The following LRRC7 variants were observed in gnomAD, a reference collection of about 807,000 sequenced individuals.
LRRC7 encodes the protein leucine rich repeat containing 7, also known as leucine-rich repeat-containing protein 7.
A neutral mutation model predicts 175.7 loss-of-function variants in LRRC7; 23 were observed. The observed-to-expected ratio is 0.13, with a 90% confidence interval of 0.09 to 0.19. The LOEUF is 0.19. Ranked by LOEUF, LRRC7 falls within the 10% of genes least tolerant of loss-of-function variation. LRRC7 has a pLI of 1.00. For synonymous variants in LRRC7, 685 were observed against 680.9 expected (o/e 1.01, Z -0.09); for missense variants, 1,354 against 1,904.7 (o/e 0.71, Z 5.38).
intron 18 of LRRC7, among the ~76,000 whole-genome samples, chr1:70,034,471 G>A (rs17097501): frequency 0.012 from 1,872 of 152,222 alleles, 32 homozygotes; most frequent in African/African-American, 0.043. Context: ...TAGGCAATAT[G>A]GCATACACAG....
At chr1:69,974,947 T>C (rs1023576592) in intron 8 of LRRC7, among the ~76,000 whole-genome samples, 1 of 152,222 alleles carries the variant, frequency 6.6e-6, no homozygotes, top group Non-Finnish European at 1.5e-5. Context: ...TCTGCAGTTA[T>C]GTAAACTTCA....
intron 4 of LRRC7, among the ~76,000 whole-genome samples, chr1:69,825,385 G>A (rs900326369): frequency 1.3e-5 from 2 of 151,944 alleles, no homozygotes; most frequent in African/African-American, 4.8e-5. Flanking sequence ...ACATCTACTT[G>A]TTCTCCCTTC....
chr1:69,641,929 G>A (rs1654274673), intron 1 of LRRC7, among the ~76,000 whole-genome samples: 1 of 151,778 alleles, frequency 6.6e-6, no homozygotes, highest in Non-Finnish European at 1.5e-5. Flanking sequence ...ATAGTAAAAA[G>A]TTTTAAGTTG....
At chr1:69,587,677 C>G (rs186998560) in intron 1 of LRRC7, among the ~76,000 whole-genome samples, 16 of 152,174 alleles carry the variant, frequency 1.1e-4, no homozygotes, top group Non-Finnish European at 1.9e-4. Flanking sequence ...GTTTCCCCCA[C>G]GCTGTTCTTG....
chr1:69,705,108 C>T (rs1035734509), intron 2 of LRRC7, among the ~76,000 whole-genome samples: 4 of 152,106 alleles, frequency 2.6e-5, no homozygotes, highest in African/African-American at 7.2e-5. Flanking sequence ...ATTAGAAAGA[C>T]ACTGTTACCC....
chr1:69,813,864 T>C (rs1197713197), intron 4 of LRRC7, among the ~76,000 whole-genome samples: 6 of 152,188 alleles, frequency 3.9e-5, no homozygotes, highest in African/African-American at 1.4e-4. Flanking sequence ...TACAAATTAT[T>C]GACCCTGTTT....
At chr1:69,766,856 A>T (rs953583416) in intron 3 of LRRC7, among the ~76,000 whole-genome samples, 4 of 152,216 alleles carry the variant, frequency 2.6e-5, no homozygotes, top group Admixed American at 6.6e-5. Flanking sequence ...AAAAATAGGT[A>T]GTAAACTTAC....
chr1:69,747,778 C>G (rs1669414214), intron 2 of LRRC7, among the ~76,000 whole-genome samples: 1 of 151,384 alleles, frequency 6.6e-6, no homozygotes. Context: ...TACTTTGATC[C>G]CATATCATAG....
rs369032557 is a variant in LRRC7 at position 69,865,372 on chromosome 1, CT to C, written c.647+27093del. On this transcript the variant is annotated intron_variant, in intron 7 of 26. Transcript: ENST00000651989. Reference sequence around the variant, plus strand: ...GCTATAAGAATACAGCTAAGGTGAACTTTTGAAGTGCCAACACTAATAGGCA... The same window carrying C: ...GCTATAAGAATACAGCTAAGGTGAACTTTGAAGTGCCAACACTAATAGGCA... Among the ~76,000 whole-genome samples the C allele has an allele frequency of 1.6e-4, 24 of 149,518 alleles. 1 individual carries two copies. Among genetic ancestry groups the C allele is most frequent in the African/African-American group, 5.9e-4 (24 of 40,614 alleles).
At chr1:70,080,994 C>T (rs1280906346) in intron 24 of LRRC7, among the ~76,000 whole-genome samples, 3 of 152,260 alleles carry the variant, frequency 2.0e-5, no homozygotes, top group South Asian at 2.1e-4. Flanking sequence ...TATGGTAATG[C>T]TTTATATAAA....
chr1:69,922,008 C>G (rs904491348), intron 7 of LRRC7, among the ~76,000 whole-genome samples: 1 of 152,222 alleles, frequency 6.6e-6, no homozygotes, highest in Non-Finnish European at 1.5e-5. Context: ...TCACTGCAAC[C>G]TCTGCCTCCC....
chr1:69,929,380 A>C (rs1308765152), intron 7 of LRRC7, among the ~76,000 whole-genome samples: 1 of 152,162 alleles, frequency 6.6e-6, no homozygotes, highest in Non-Finnish European at 1.5e-5. Context: ...CAGTCTACCC[A>C]AAACCCTGCT....
chr1:69,924,910 C>T (rs1170797412), intron 7 of LRRC7, among the ~76,000 whole-genome samples: 1 of 152,126 alleles, frequency 6.6e-6, no homozygotes, highest in Non-Finnish European at 1.5e-5. Flanking sequence ...AGTTTTTGCC[C>T]ATTCAGTATG....
chr1:69,978,501 A>G (rs1244010520), intron 8 of LRRC7, among the ~76,000 whole-genome samples: 1 of 152,198 alleles, frequency 6.6e-6, no homozygotes, highest in Non-Finnish European at 1.5e-5. Context: ...CCTGTTCCCT[A>G]TGATCTAAGT....
intron 7 of LRRC7, among the ~76,000 whole-genome samples, chr1:69,880,165 A>G (rs942620275): frequency 1.4e-4 from 21 of 152,166 alleles, no homozygotes; most frequent in African/African-American, 4.6e-4. Flanking sequence ...GGAGATTTTT[A>G]TATTTTTCCT....
At chr1:69,894,230 T>A (rs560553334) in intron 7 of LRRC7, among the ~76,000 whole-genome samples, 1 of 152,342 alleles carries the variant, frequency 6.6e-6, no homozygotes, top group South Asian at 2.1e-4. Flanking sequence ...TAGGTATTAT[T>A]ATTTTCCCCA....
Position 69,781,680 on chromosome 1 carries a change from A to G in LRRC7, c.304-10363A>G, listed in dbSNP as rs548969207. Among the ~76,000 whole-genome samples the G allele has an allele frequency of 5.5e-3, 556 of 101,518 alleles. 14 individuals carry two copies. Among genetic ancestry groups the G allele is most frequent in the Middle Eastern group, 0.016 (3 of 190 alleles). The allele number at this position is 101,518 out of a possible 152,430, so 66.6% of individuals were successfully genotyped here. A position where few individuals can be genotyped will look rare whatever the true frequency, so the allele number is the denominator to read the frequency against. On this transcript the variant is annotated intron_variant, in intron 3 of 26. Transcript: ENST00000651989. The stretch of plus-strand genomic sequence containing the variant: ...CTGGGAGACAGAGCAAGACTGTCTC[A>G]AAAAAAAGAAGAAAGAAAGAAAGAA...
At position 70,137,287 on chromosome 1, in the gene LRRC7, A is replaced by G. The variant is rs1666910815; in HGVS notation, c.*15400A>G. ...TCAAAGTCAGAGGGGGCTTGCTGGAATCAAGGGCAGCTCCTCCTTTCTGGA... is the reference window on the plus strand; with the variant it reads ...TCAAAGTCAGAGGGGGCTTGCTGGAGTCAAGGGCAGCTCCTCCTTTCTGGA... On this transcript the variant is annotated 3_prime_UTR_variant, in exon 27 of 27. Coordinates refer to ENST00000651989, the MANE Select transcript of LRRC7 (RefSeq NM_001370785.2). 6.6e-6 allele frequency among the ~76,000 whole-genome samples: 1 copy of G among 152,160 alleles called. No homozygotes were observed. The highest frequency in any genetic ancestry group is 1.5e-5 in the Non-Finnish European group (1 of 68,028).
intron 1 of LRRC7, among the ~76,000 whole-genome samples, chr1:69,598,586 AC>A (rs1309679720): frequency 2.0e-5 from 3 of 152,276 alleles, no homozygotes; most frequent in Middle Eastern, 3.4e-3. Context: ...AGGCCCACCC[AC>A]ATTATGAAGT....
Sources: gnomAD v4.1 joint callset for allele counts (sites outside exome capture counted in the v4.1 genomes callset) on GRCh38, gnomAD v4.1.1 for gene constraint, MANE v1.5 for transcripts, NCBI Gene and HGNC (gene_info 2026-07-23, HGNC 2026-07-21) for gene names.